The following TECPR1 variants were observed in gnomAD, a reference collection of about 807,000 sequenced individuals.
TECPR1 encodes tectonin beta-propeller repeat-containing protein 1.
In TECPR1, 122 loss-of-function variants were observed where a neutral mutation model predicts 162.4. That is an observed-to-expected ratio of 0.75 (90% CI 0.65 to 0.87). TECPR1 has a LOEUF of 0.87. TECPR1 is among the 40% of genes least tolerant of loss of function. The probability of loss-of-function intolerance (pLI) is 0.00; values close to 1 mark genes in which losing one functional copy is unlikely to be tolerated. For missense variants in TECPR1, 1,432 were observed against 1,618.2 expected (o/e 0.88, Z 1.97); for synonymous variants, 642 against 670.6 (o/e 0.96, Z 0.66).
rs895347957 is a variant in TECPR1, at chr7:98,214,720, A to G, written c.*2670T>C. ...AAGAGCCTCGGTCCAGAAGACGGAG[A>G]CTCGGCCCGGTGTCCAGCGCAGCCC... On this transcript the variant is annotated 3_prime_UTR_variant, in exon 26 of 26. Transcript: ENST00000447648. 6.6e-6 allele frequency: 1 copy of G among 152,006 alleles called. No individual in the cohort carries two copies. The highest frequency in any genetic ancestry group is 1.5e-5 in the Non-Finnish European group (1 of 68,044). The allele number at this position is 152,006 out of a possible 1,614,324, so 9.4% of individuals were successfully genotyped here. A position where few individuals can be genotyped will look rare whatever the true frequency, so the allele number is the denominator to read the frequency against.
chr7:98,222,415 CGGTAGAAGGCGGAG>C lies in TECPR1; in HGVS notation c.3021_3034del (p.Ser1008GlyfsTer11). On this transcript the variant is annotated frameshift_variant, in exon 22 of 26. Coordinates refer to ENST00000447648, the MANE Select transcript of TECPR1 (RefSeq NM_015395.3). LOFTEE classifies it high-confidence loss of function. ...TGGCTGCGAGGGGTACACGGATCCCCGGTAGAAGGCGGAGCCGTCCCTTGCCACGGCCCACACCT... is the reference window on the plus strand; with the variant it reads ...TGGCTGCGAGGGGTACACGGATCCCCCCGTCCCTTGCCACGGCCCACACCT... 6.3e-7 allele frequency: 1 copy of C among 1,597,154 alleles called. No individual in the cohort carries two copies. The highest frequency in any genetic ancestry group is 8.5e-7 in the Non-Finnish European group (1 of 1,172,954).
At chr7:98,221,026 G>C (rs568799255) in intron 23 of TECPR1, among the ~76,000 whole-genome samples, 6 of 150,702 alleles carry the variant, frequency 4.0e-5, no homozygotes, top group Admixed American at 3.3e-4. Flanking sequence ...AGAGGGCCAG[G>C]CGCGGTAGCT....
In TECPR1 at chr7:98,217,356, G is replaced by A. The variant is rs776796042; in HGVS notation, c.*34C>T. On this transcript the variant is annotated 3_prime_UTR_variant, in exon 26 of 26. Coordinates refer to ENST00000447648, the MANE Select transcript of TECPR1 (RefSeq NM_015395.3). ...GCTCAGCCTTGATCCCCCAAACTGGGCACCGTCCCTGCATGTAGGTGTGTG... is the reference window on the plus strand; with the variant it reads ...GCTCAGCCTTGATCCCCCAAACTGGACACCGTCCCTGCATGTAGGTGTGTG... 3 of 1,342,432 alleles carry A rather than the reference G, an allele frequency of 2.2e-6. No homozygotes were observed. Among genetic ancestry groups the A allele is most frequent in the South Asian group, 2.7e-5 (2 of 75,232 alleles). The allele number at this position is 1,342,432 out of a possible 1,614,324, so 83.2% of individuals were successfully genotyped here.
At position 98,229,058 on chromosome 7, in the gene TECPR1, A is replaced by AT. The variant is rs1266135916; in HGVS notation, c.2390dup (p.Tyr797Ter). The AT allele has an allele frequency of 6.3e-7, 1 of 1,596,616 alleles. No individual in the cohort carries two copies. The highest frequency in any genetic ancestry group is 8.5e-7 in the Non-Finnish European group (1 of 1,171,932). Reference sequence around the variant, plus strand: ...CCTCACCTTGGAAGCAGCCGCCTCCATAGCCGCCTGTGTATACCCAGGCCG... The same window carrying AT: ...CCTCACCTTGGAAGCAGCCGCCTCCATTAGCCGCCTGTGTATACCCAGGCCG... ...DHTAWVYTGG[Y>*]GGGCFQGLAS... Residue 797 changes from tyrosine to a stop codon, truncating the protein, a stop_gained and frameshift_variant, in exon 16 of 26, where the codon TAT (tyrosine) becomes TAAT (stop). Transcript: ENST00000447648. LOFTEE classifies it high-confidence loss of function.
At position 98,216,599 on chromosome 7, in the gene TECPR1, C is replaced by G. The variant is rs1029020340; in HGVS notation, c.*791G>C. On this transcript the variant is annotated 3_prime_UTR_variant, in exon 26 of 26. Transcript: ENST00000447648. ...TTTTTGAGATGGAGTCTCTGTCGCC[C>G]AGGCTGGAGTGCAGTGGCATGATCT... 8.8e-5 allele frequency: 13 copies of G among 147,144 alleles called. No individual in the cohort carries two copies. Among genetic ancestry groups the G allele is most frequent in the African/African-American group, 3.0e-4 (12 of 39,702 alleles). The allele number at this position is 147,144 out of a possible 1,614,324, so 9.1% of individuals were successfully genotyped here. A position where few individuals can be genotyped will look rare whatever the true frequency, so the allele number is the denominator to read the frequency against.
Position 98,217,864 on chromosome 7 carries a change from G to C in TECPR1, c.3265-53C>G, listed in dbSNP as rs1798053998. Reference sequence around the variant, plus strand: ...AGCCCTACCTGCAGTGGGACGGCTGGGCATGGGATGGGGGAGACCAGAGAG... The same window carrying C: ...AGCCCTACCTGCAGTGGGACGGCTGCGCATGGGATGGGGGAGACCAGAGAG... On this transcript the variant is annotated intron_variant, in intron 24 of 25. Coordinates refer to ENST00000447648, the MANE Select transcript of TECPR1 (RefSeq NM_015395.3). The C allele has an allele frequency of 3.2e-6, 5 of 1,541,918 alleles. No individual in the cohort carries two copies. The East Asian group carries it at 1.2e-4, about 38-fold the overall frequency.
rs142179900 is a variant in TECPR1, at chr7:98,242,522, C to T, written c.657+945G>A. On this transcript the variant is annotated intron_variant, in intron 6 of 25. Coordinates refer to ENST00000447648, the MANE Select transcript of TECPR1 (RefSeq NM_015395.3). ...TCCATCTATCCATACACCCACTCAC[C>T]CACTCACCCACCCACCTACACACCC... 5.8e-3 allele frequency among the ~76,000 whole-genome samples: 873 copies of T among 150,414 alleles called. 6 individuals carry two copies. Among genetic ancestry groups the T allele is most frequent in the African/African-American group, 0.02 (810 of 40,996 alleles).
chr7:98,247,782 GTGCAAT>G (rs1180807050), intron 2 of TECPR1, among the ~76,000 whole-genome samples: 1 of 152,082 alleles, frequency 6.6e-6, no homozygotes, highest in Non-Finnish European at 1.5e-5. Context: ...GAGTACAGTG[GTGCAAT>G]CATAGCTCAC....
At chr7:98,233,366 C>G (rs1022016162) in intron 11 of TECPR1, 55 bp downstream of exon 11, 1 of 1,407,680 alleles carries the variant, frequency 7.1e-7, no homozygotes, top group African/African-American at 1.5e-5. Flanking sequence ...CCACACCCCA[C>G]ACCCCCAGGG....
At chr7:98,218,410 C>T (rs922282066) in intron 23 of TECPR1, among the ~76,000 whole-genome samples, 2 of 152,044 alleles carry the variant, frequency 1.3e-5, no homozygotes, top group African/African-American at 4.8e-5. Flanking sequence ...GCATCCAAAT[C>T]GAAAAAGAGG....
intron 13 of TECPR1, 77 bp from the exon 14 acceptor site, chr7:98,231,450 CACCCTGGG>C (rs1562937641): frequency 6.8e-7 from 1 of 1,469,202 alleles, no homozygotes; most frequent in Non-Finnish European, 9.2e-7. Flanking sequence ...CACTGTGCTT[CACCCTGGG>C]ACCCTGGCCC....
At chr7:98,244,426 G>T in intron 5 of TECPR1, 145 bp downstream of exon 5, 1 of 1,059,744 alleles carries the variant, frequency 9.4e-7, no homozygotes, top group Non-Finnish European at 1.3e-6. Context: ...TGGTGTTCCC[G>T]GGACAGGAAA....
In TECPR1 at chr7:98,223,011, G is replaced by A. The variant is rs200796145; in HGVS notation, c.2907C>T (p.Gly969=). Residue 969 remains glycine, a synonymous_variant, in exon 21 of 26, where the codon GGC becomes GGT. Coordinates refer to ENST00000447648, the MANE Select transcript of TECPR1 (RefSeq NM_015395.3). ...TCACCGCAGGGTTGAGCTCCGACAC[G>A]CCCAGGCGGCACAGCACATCCCCCT... ...SDKGDVLCRL[G]VSELNPAGSS... The A allele has an allele frequency of 5.9e-4, 951 of 1,611,822 alleles. 4 individuals carry two copies. In the African/African-American group the frequency reaches 0.011, roughly 19 times the overall value.
In TECPR1 at chr7:98,244,928, C is replaced by T; in HGVS notation, c.365G>A (p.Trp122Ter). ...ACCTCCAAAATTCTCATCCACGTAC[C>T]AGTCAGACTCCCACTCCCAGTGCGG... Reference protein sequence around the residue: ...PSPHWEWESDWYVDENFGGEP... With the variant: ...PSPHWEWESD Residue 122 changes from tryptophan (W) to a stop codon, truncating the protein, a stop_gained, in exon 4 of 26, where the codon TGG becomes TAG. Transcript: ENST00000447648. LOFTEE classifies it high-confidence loss of function. 6.2e-7 allele frequency: 1 copy of T among 1,613,094 alleles called. No homozygotes were observed. Among genetic ancestry groups the T allele is most frequent in the Non-Finnish European group, 8.5e-7 (1 of 1,179,874 alleles).
chr7:98,233,265 G>T, intron 11 of TECPR1, 156 bp downstream of exon 11: 1 of 1,077,214 alleles, frequency 9.3e-7, no homozygotes, highest in Non-Finnish European at 1.2e-6. Flanking sequence ...GGCCACAGAG[G>T]AGCGCAATGC....
At chr7:98,236,354 G>C (rs554472179) in intron 10 of TECPR1, among the ~76,000 whole-genome samples, 2 of 152,174 alleles carry the variant, frequency 1.3e-5, no homozygotes, top group South Asian at 4.1e-4. Flanking sequence ...GCTGGGCAGA[G>C]ACCCTCTGTC....
At chr7:98,227,019 T>A (rs970114101) in intron 17 of TECPR1, among the ~76,000 whole-genome samples, 1 of 151,804 alleles carries the variant, frequency 6.6e-6, no homozygotes, top group African/African-American at 2.4e-5. Flanking sequence ...AAAAAAAAAA[T>A]TTAAAACTTT....
chr7:98,217,983 G>T lies in TECPR1; in HGVS notation c.3217C>A (p.His1073Asn). The T allele has an allele frequency of 6.4e-7, 1 of 1,565,898 alleles. No homozygotes were observed. The highest frequency in any genetic ancestry group is 1.2e-5 in the South Asian group (1 of 84,914). Residue 1073 changes from histidine to asparagine, a missense_variant, in exon 24 of 26, where the codon CAC becomes AAC. Coordinates refer to ENST00000447648, the MANE Select transcript of TECPR1 (RefSeq NM_015395.3). ...ACTCGGCACACGTTGTTGGACACGTGCTCCCAGCTGGAGCCCTGCGGGTAG... is the reference window on the plus strand; with the variant it reads ...ACTCGGCACACGTTGTTGGACACGTTCTCCCAGCTGGAGCCCTGCGGGTAG... Reference protein sequence around the residue: ...PSYPQGSSWEHVSNNVCRVSV... With the variant: ...PSYPQGSSWENVSNNVCRVSV...
intron 9 of TECPR1, among the ~76,000 whole-genome samples, chr7:98,237,139 A>G (rs1798624888): frequency 6.6e-6 from 1 of 151,766 alleles, no homozygotes; most frequent in African/African-American, 2.4e-5. Flanking sequence ...CCTCAGGCAG[A>G]CCCAGGGTTT....
Sources: allele counts gnomAD v4.1 joint callset (sites outside exome capture counted in the v4.1 genomes callset), GRCh38; gene constraint gnomAD v4.1.1; transcripts MANE v1.5; gene names NCBI Gene and HGNC (gene_info 2026-07-23, HGNC 2026-07-21).